OR10A6: variants seen among roughly 807,000 people sequenced by gnomAD.
OR10A6 encodes the protein olfactory receptor 10A6.
Under a neutral mutation model 1.5 loss-of-function variants are expected in OR10A6, and 2 were observed. That is an observed-to-expected ratio of 1.31 (90% confidence interval 0.54 to 4.13). The LOEUF (loss-of-function observed/expected upper bound fraction) is 4.13, where lower values mean the gene tolerates loss of function less well. Among genes scored for constraint, OR10A6 ranks in the 30% most tolerant of loss-of-function variants. The pLI, the probability that OR10A6 is intolerant of heterozygous loss-of-function variation, is 0.07. For missense variants in OR10A6, 492 were observed against 368.6 expected (o/e 1.33, Z -2.74); for synonymous variants, 169 against 137.3 (o/e 1.23, Z -1.61).
Position 7,928,457 on chromosome 11 carries a change from AC to A in OR10A6, c.205del (p.Val69TrpfsTer3). ...MYLFLLNLSVVDLSFSAVIMP... is the reference protein window; with the variant it reads ...MYLFLLNLSVXDLSFSAVIMP... ...AATAACTGCACTGAAACTCAGGTCC[AC>A]CACAGATAAGTTCAGGAGAAACAGG... On this transcript the variant is annotated frameshift_variant, in exon 4 of 4. Transcript: ENST00000641238. LOFTEE classifies it low-confidence loss of function (END_TRUNC). 6.2e-7 allele frequency: 1 copy of A among 1,613,858 alleles called. No individual in the cohort carries two copies.
At position 7,928,676 on chromosome 11, in the gene OR10A6, G is replaced by C; in HGVS notation, c.-14C>G. ...TTGTCTTTCCATTTTCAGTAATGAA[G>C]TCGTGCATTGATTTTATGGACATAG... is the stretch of plus-strand genomic sequence containing the variant. On this transcript the variant is annotated 5_prime_UTR_variant, in exon 4 of 4. Coordinates refer to ENST00000641238, the MANE Select transcript of OR10A6 (RefSeq NM_001004461.2). 6.4e-7 allele frequency: 1 copy of C among 1,562,008 alleles called. No homozygotes were observed. The highest frequency in any genetic ancestry group is 8.7e-7 in the Non-Finnish European group (1 of 1,148,598).
Position 7,927,678 on chromosome 11 carries a change from G to T in OR10A6, c.*40C>A. ...ATTTATTAAATTTAGATTGAATACA[G>T]TCATGCAGTGACTAAATCTTACATG... is the stretch of plus-strand genomic sequence containing the variant. On this transcript the variant is annotated 3_prime_UTR_variant, in exon 4 of 4. Coordinates refer to ENST00000641238, the MANE Select transcript of OR10A6 (RefSeq NM_001004461.2). 3 of 1,334,002 alleles carry T rather than the reference G, an allele frequency of 2.2e-6. No individual in the cohort carries two copies. The highest frequency in any genetic ancestry group is 1.4e-5 in the African/African-American group (1 of 69,568). The allele number at this position is 1,334,002 out of a possible 1,614,324, so 82.6% of individuals were successfully genotyped here.
At chr11:7,930,911 T>G (rs180797519) in intron 2 of OR10A6, 22 bp from the exon 3 acceptor site, 1 of 152,200 alleles carries the variant, frequency 6.6e-6, no homozygotes, top group Non-Finnish European at 1.5e-5. Flanking sequence ...AAGAGGTAAG[T>G]GTTGAACTTA....
Position 7,928,712 on chromosome 11 carries a change from A to G in OR10A6, c.-50T>C. On this transcript the variant is annotated 5_prime_UTR_variant, in exon 4 of 4. Transcript: ENST00000641238. ...ATTTTATGGACATAGTATATACAGA[A>G]TAAAGCCACAGTCCATTAGCTAAGA... is the stretch of plus-strand genomic sequence containing the variant. 7.5e-7 allele frequency: 1 copy of G among 1,339,760 alleles called. No homozygotes were observed. Among genetic ancestry groups the G allele is most frequent in the Non-Finnish European group, 1.0e-6 (1 of 983,542 alleles). 83.0% of individuals were successfully genotyped at this position (1,339,760 alleles called of 1,614,324 possible).
At position 7,929,640 on chromosome 11, in the gene OR10A6, C is replaced by G. The variant is rs1859485907; in HGVS notation, c.-978G>C. ...CATAAAATAGCTTCTAACCCCTTAA[C>G]CAGTATGCTGCATAAACTAGTACCT... On this transcript the variant is annotated 5_prime_UTR_variant, in exon 4 of 4. Transcript: ENST00000641238. 6.7e-6 allele frequency: 1 copy of G among 149,160 alleles called. No homozygotes were observed. The highest frequency in any genetic ancestry group is 1.5e-5 in the Non-Finnish European group (1 of 67,382). The allele number at this position is 149,160 out of a possible 1,614,324, so 9.2% of individuals were successfully genotyped here. A position where few individuals can be genotyped will look rare whatever the true frequency, so the allele number is the denominator to read the frequency against.
chr11:7,927,997 C>T lies in OR10A6; in HGVS notation c.666G>A (p.Leu222=), dbSNP rs1157101171. The change falls in exon 4 of 4, where the codon CTG becomes CTA. Residue 222 remains leucine (L), a synonymous_variant. Transcript: ENST00000641238. ...LLILLSYIRV[L]FAILKMPSTT... is the part of the protein sequence containing the mutation. The stretch of plus-strand genomic sequence containing the variant: ...TTGATGGCATCTTCAGGATGGCAAA[C>T]AGAACTCGAATGTAAGACAAGAGTA... The T allele has an allele frequency of 5.6e-6, 9 of 1,613,732 alleles. No individual in the cohort carries two copies. Among genetic ancestry groups the T allele is most frequent in the African/African-American group, 1.3e-5 (1 of 74,862 alleles).
Position 7,927,635 on chromosome 11 carries a change from C to G in OR10A6, c.*83G>C. The G allele has an allele frequency of 2.1e-6, 2 of 972,482 alleles. No homozygotes were observed. Among genetic ancestry groups the G allele is most frequent in the Non-Finnish European group, 3.0e-6 (2 of 655,956 alleles). 60.2% of individuals were successfully genotyped at this position (972,482 alleles called of 1,614,324 possible). A position where few individuals can be genotyped will look rare whatever the true frequency, so the allele number is the denominator to read the frequency against. On this transcript the variant is annotated 3_prime_UTR_variant, in exon 4 of 4. Transcript: ENST00000641238. ...TTAGTCATACTCATGCCAAAAAATG[C>G]AAACTTAATGAATCTAAATTTATTA...
At position 7,928,806 on chromosome 11, in the gene OR10A6, T is replaced by G. The variant is rs901382746; in HGVS notation, c.-144A>C. ...GAGCCTATCCTGACAGAAATTTTCT[T>G]TGGCAATTTTAGACAATGACCAAAT... On this transcript the variant is annotated 5_prime_UTR_variant, in exon 4 of 4. Coordinates refer to ENST00000641238, the MANE Select transcript of OR10A6 (RefSeq NM_001004461.2). 6.5e-6 allele frequency: 3 copies of G among 459,132 alleles called. No individual in the cohort carries two copies. The highest frequency in any genetic ancestry group is 6.0e-5 in the African/African-American group (3 of 49,604). The allele number at this position is 459,132 out of a possible 1,614,324, so 28.4% of individuals were successfully genotyped here.
rs1166114747 is a variant in OR10A6 at position 7,928,825 on chromosome 11, AC to A, written c.-164del. 2.4e-6 allele frequency: 1 copy of A among 423,378 alleles called. No homozygotes were observed. Among genetic ancestry groups the A allele is most frequent in the African/African-American group, 2.0e-5 (1 of 48,938 alleles). The allele number at this position is 423,378 out of a possible 1,614,324, so 26.2% of individuals were successfully genotyped here. On this transcript the variant is annotated 5_prime_UTR_variant, in exon 4 of 4. Coordinates refer to ENST00000641238, the MANE Select transcript of OR10A6 (RefSeq NM_001004461.2). ...TTTTCTTTGGCAATTTTAGACAATG[AC>A]CAAATACTTGGATTATATTCCAAAT...
rs55811645 is a variant in OR10A6 at position 7,929,755 on chromosome 11, T to TATATATATATATATAAATATAC, written c.-1094_-1093insGTATATTTATATATATATATAT. 2.1e-5 allele frequency: 2 copies of TATATATATATATATAAATATAC among 97,272 alleles called. No individual in the cohort carries two copies. Among genetic ancestry groups the TATATATATATATATAAATATAC allele is most frequent in the African/African-American group, 7.1e-5 (2 of 27,976 alleles). The allele number at this position is 97,272 out of a possible 1,614,324, so 6.0% of individuals were successfully genotyped here. On this transcript the variant is annotated 5_prime_UTR_variant, in exon 4 of 4. An upstream open reading frame in the 5' UTR loses its in-frame stop. Coordinates refer to ENST00000641238, the MANE Select transcript of OR10A6 (RefSeq NM_001004461.2). Reference sequence around the variant, plus strand: ...ATATATATATATATATATATATATATACACACACATGCACACATATATATA... The same window carrying TATATATATATATATAAATATAC: ...ATATATATATATATATATATATATATATATATATATATATAAATATACACACACACATGCACACATATATATA...
Position 7,927,815 on chromosome 11 carries a change from G to T in OR10A6, c.848C>A (p.Pro283Gln), listed in dbSNP as rs760621298. The change falls in exon 4 of 4, where the codon CCA (proline) becomes CAA (glutamine). Residue 283 changes from proline to glutamine, a missense_variant. By Grantham distance (76) the Pro-to-Gln change is moderately conservative. Coordinates refer to ENST00000641238, the MANE Select transcript of OR10A6 (RefSeq NM_001004461.2). ...ACTGTAGATAAGCAGATTCAGCAGT[G>T]GTGTCAGAAGTGAGTAAGACAATGA... ...VMSLSYSLLT[P>Q]LLNLLIYSLR... 4 of 1,613,802 alleles carry T rather than the reference G, an allele frequency of 2.5e-6. No homozygotes were observed. The South Asian group carries it at 4.4e-5, about 18-fold the overall frequency.
In OR10A6 at chr11:7,927,835, C is replaced by G. The variant is rs1443713708; in HGVS notation, c.828G>C (p.Leu276Phe). 1.2e-6 allele frequency: 2 copies of G among 1,613,702 alleles called. No homozygotes were observed. Among genetic ancestry groups the G allele is most frequent in the Non-Finnish European group, 8.5e-7 (1 of 1,179,738 alleles). ...GCAGTGGTGTCAGAAGTGAGTAAGA[C>G]AATGACATCACTTTCTTGGTTTCCG... ...YSPETKKVMSLSYSLLTPLLN... is the reference protein window; with the variant it reads ...YSPETKKVMSFSYSLLTPLLN... Residue 276 changes from leucine to phenylalanine, a missense_variant, in exon 4 of 4, where the codon TTG becomes TTC. Leu to Phe is a conservative substitution (Grantham distance 22). Coordinates refer to ENST00000641238, the MANE Select transcript of OR10A6 (RefSeq NM_001004461.2).
rs1554906117 is a variant in OR10A6, at chr11:7,929,970, A to ATATATGTG, written c.-1309_-1308insCACATATA. 1.6e-4 allele frequency: 12 copies of ATATATGTG among 74,690 alleles called. 2 individuals carry two copies. The East Asian group carries it at 1.8e-3, about 11-fold the overall frequency. The allele number at this position is 74,690 out of a possible 1,614,324, so 4.6% of individuals were successfully genotyped here. A position where few individuals can be genotyped will look rare whatever the true frequency, so the allele number is the denominator to read the frequency against. On this transcript the variant is annotated 5_prime_UTR_variant, in exon 4 of 4. Coordinates refer to ENST00000641238, the MANE Select transcript of OR10A6 (RefSeq NM_001004461.2). ...GTAAGGTATGTGTATGTGTATGTAT[A>ATATATGTG]TATATATATATATATATATATATAA...
rs1410635988 is a variant in OR10A6, at chr11:7,925,899, C to T, written c.*1819G>A. ...GGGGTGGGTTCCTGGTGAAACCCCA[C>T]CTCTAAACAAAAGACAGTTTAAAGC... is the stretch of plus-strand genomic sequence containing the variant. On this transcript the variant is annotated 3_prime_UTR_variant, in exon 4 of 4. Transcript: ENST00000641238. 6.6e-6 allele frequency: 1 copy of T among 152,204 alleles called. No individual in the cohort carries two copies. The highest frequency in any genetic ancestry group is 2.4e-5 in the African/African-American group (1 of 41,446). 9.4% of individuals were successfully genotyped at this position (152,204 alleles called of 1,614,324 possible). A position where few individuals can be genotyped will look rare whatever the true frequency, so the allele number is the denominator to read the frequency against.
In OR10A6 at chr11:7,930,263, G is replaced by A. The variant is rs1859511650; in HGVS notation, c.-1601C>T. 1 of 151,884 alleles carries A rather than the reference G, an allele frequency of 6.6e-6. No individual in the cohort carries two copies. Among genetic ancestry groups the A allele is most frequent in the Non-Finnish European group, 1.5e-5 (1 of 67,990 alleles). The allele number at this position is 151,884 out of a possible 1,614,324, so 9.4% of individuals were successfully genotyped here. A position where few individuals can be genotyped will look rare whatever the true frequency, so the allele number is the denominator to read the frequency against. ...GGAATGATGACATTTGAAGGGGGTG[G>A]AGGATGAACAAACACAATCACAGGA... On this transcript the variant is annotated 5_prime_UTR_variant, in exon 4 of 4. Coordinates refer to ENST00000641238, the MANE Select transcript of OR10A6 (RefSeq NM_001004461.2).
rs1157338208 is a variant in OR10A6 at position 7,930,182 on chromosome 11, G to A, written c.-1520C>T. ...TTAAGGAATAGAGTGCCTAAGAGAA[G>A]TCAGCACACAACACAATTGGAAATT... On this transcript the variant is annotated 5_prime_UTR_variant, in exon 4 of 4. Coordinates refer to ENST00000641238, the MANE Select transcript of OR10A6 (RefSeq NM_001004461.2). The A allele has an allele frequency of 2.0e-5, 3 of 151,574 alleles. No individual in the cohort carries two copies. Among genetic ancestry groups the A allele is most frequent in the African/African-American group, 4.9e-5 (2 of 41,236 alleles). 9.4% of individuals were successfully genotyped at this position (151,574 alleles called of 1,614,324 possible). A position where few individuals can be genotyped will look rare whatever the true frequency, so the allele number is the denominator to read the frequency against.
rs1241836364 is a variant in OR10A6, at chr11:7,924,835, G to T, written c.*2883C>A. 6.6e-6 allele frequency: 1 copy of T among 152,086 alleles called. No homozygotes were observed. Among genetic ancestry groups the T allele is most frequent in the African/African-American group, 2.4e-5 (1 of 41,404 alleles). 9.4% of individuals were successfully genotyped at this position (152,086 alleles called of 1,614,324 possible). A position where few individuals can be genotyped will look rare whatever the true frequency, so the allele number is the denominator to read the frequency against. On this transcript the variant is annotated 3_prime_UTR_variant, in exon 4 of 4. Transcript: ENST00000641238. ...TAGCTGCACTATCTCTAGCCTCATG[G>T]CTTGTTTCAGGTAGAAGGAAGGAGG... is the stretch of plus-strand genomic sequence containing the variant.
At position 7,926,663 on chromosome 11, in the gene OR10A6, A is replaced by G. The variant is rs1027862375; in HGVS notation, c.*1055T>C. On this transcript the variant is annotated 3_prime_UTR_variant, in exon 4 of 4. Transcript: ENST00000641238. ...ATGAAGGGTGTTGTCAACTCCTTTG[A>G]TATAGATTTAATGAGAAGAACCCTT... is the stretch of plus-strand genomic sequence containing the variant. 6.6e-6 allele frequency: 1 copy of G among 152,178 alleles called. No individual in the cohort carries two copies. Among genetic ancestry groups the G allele is most frequent in the Admixed American group, 6.5e-5 (1 of 15,278 alleles). 9.4% of individuals were successfully genotyped at this position (152,178 alleles called of 1,614,324 possible).
At position 7,931,008 on chromosome 11, in the gene OR10A6, C is replaced by A. The variant is rs1037187345; in HGVS notation, c.-1904G>T. 1 of 152,116 alleles carries A rather than the reference C, an allele frequency of 6.6e-6. No individual in the cohort carries two copies. The highest frequency in any genetic ancestry group is 2.4e-5 in the African/African-American group (1 of 41,442). 9.4% of individuals were successfully genotyped at this position (152,116 alleles called of 1,614,324 possible). Reference sequence around the variant, plus strand: ...TTACACTTCTACTTATTGCCCGAACCTTTCTCTGAAAAGAAAAAGAAATTG... The same window carrying A: ...TTACACTTCTACTTATTGCCCGAACATTTCTCTGAAAAGAAAAAGAAATTG... On this transcript the variant is annotated 5_prime_UTR_variant, in exon 2 of 4. The change creates a new upstream start codon in the 5' untranslated region. Coordinates refer to ENST00000641238, the MANE Select transcript of OR10A6 (RefSeq NM_001004461.2).
Sources: gnomAD v4.1 joint callset for allele counts on GRCh38, gnomAD v4.1.1 for gene constraint, MANE v1.5 for transcripts, NCBI Gene and HGNC (gene_info 2026-07-23, HGNC 2026-07-21) for gene names.